The following GOLPH3L variants were observed in gnomAD, a reference collection of about 807,000 sequenced individuals.
GOLPH3L encodes the protein Golgi phosphoprotein 3-like.
GOLPH3L carries 22 observed loss-of-function variants against 30.3 expected under a neutral mutation model. The ratio of observed to expected loss-of-function variants is 0.73; its 90% CI spans 0.52 to 1.04. The LOEUF is 1.04. GOLPH3L is among the 50% of genes least tolerant of loss of function. The pLI, the probability that GOLPH3L is intolerant of heterozygous loss-of-function variation, is 0.00. For missense variants in GOLPH3L, 303 were observed against 345.8 expected (o/e 0.88, Z 0.98); for synonymous variants, 120 against 128.2 (o/e 0.94, Z 0.43).
At chr1:150,658,838 C>T (rs781253832) in intron 4 of GOLPH3L, among the ~76,000 whole-genome samples, 4 of 152,160 alleles carry the variant, frequency 2.6e-5, no homozygotes, top group Non-Finnish European at 5.9e-5. Flanking sequence ...AGGAGCTAAA[C>T]ATAAGGATTT....
At chr1:150,672,512 C>T (rs965978042) in intron 2 of GOLPH3L, among the ~76,000 whole-genome samples, 2 of 152,190 alleles carry the variant, frequency 1.3e-5, no homozygotes, top group Admixed American at 6.5e-5. Context: ...CTCACTGCAA[C>T]CTCTGCCTCC....
chr1:150,687,683 T>C (rs1425592296), intron 2 of GOLPH3L, among the ~76,000 whole-genome samples: 2 of 152,192 alleles, frequency 1.3e-5, no homozygotes, highest in African/African-American at 2.4e-5. Flanking sequence ...CTATACTTGA[T>C]GGAGGATCAT....
chr1:150,674,870 C>T (rs146995307), intron 2 of GOLPH3L, among the ~76,000 whole-genome samples: 6,874 of 151,532 alleles, frequency 0.045, 207 homozygotes, highest in Non-Finnish European at 0.071. Flanking sequence ...CTAGCCTGGG[C>T]AAGAGAGTGA....
chr1:150,648,562 C>CTA lies in GOLPH3L; in HGVS notation c.615_616dup (p.Ser206IlefsTer4). 6.2e-7 allele frequency: 1 copy of CTA among 1,614,014 alleles called. No individual in the cohort carries two copies. The highest frequency in any genetic ancestry group is 8.5e-7 in the Non-Finnish European group (1 of 1,179,898). The stretch of plus-strand genomic sequence containing the variant: ...GTCATTTACCCACCGCTCTAGTACA[C>CTA]TATCTTGAAGTTTTTTCACTAGTCG... On this transcript the variant is annotated frameshift_variant, in exon 5 of 5. Transcript: ENST00000271732. LOFTEE classifies it high-confidence loss of function.
chr1:150,666,929 T>C (rs1199746318), intron 2 of GOLPH3L, among the ~76,000 whole-genome samples: 1 of 152,162 alleles, frequency 6.6e-6, no homozygotes, highest in Non-Finnish European at 1.5e-5. Context: ...TGATCTTTGA[T>C]TAAGAGGTTC....
At position 150,673,763 on chromosome 1, in the gene GOLPH3L, T is replaced by C. The variant is rs942063446; in HGVS notation, c.184-10000A>G. On this transcript the variant is annotated intron_variant, in intron 2 of 4. Transcript: ENST00000271732. Reference sequence around the variant, plus strand: ...GGGCAACACAGTGAAACCCCGTCTCTACCAAAAGTACAAAAAAAAAACTGG... The same window carrying C: ...GGGCAACACAGTGAAACCCCGTCTCCACCAAAAGTACAAAAAAAAAACTGG... Among the ~76,000 whole-genome samples, 4 of 130,440 alleles carry C rather than the reference T, an allele frequency of 3.1e-5. No individual in the cohort carries two copies. The South Asian group carries it at 8.8e-4, about 29-fold the overall frequency. 85.6% of individuals were successfully genotyped at this position (130,440 alleles called of 152,430 possible).
Position 150,686,340 on chromosome 1 carries a change from G to A in GOLPH3L, c.183+8316C>T, listed in dbSNP as rs587603812. On this transcript the variant is annotated intron_variant, in intron 2 of 4. Transcript: ENST00000271732. ...AGTGATCCTCTCACCTCAACCTCCT[G>A]AGTAGCTGGGACTATAGGTTCACGC... Among the ~76,000 whole-genome samples the A allele has an allele frequency of 1.4e-4, 21 of 152,174 alleles. No homozygotes were observed. In the East Asian group the frequency reaches 3.9e-3, roughly 28 times the overall value.
chr1:150,663,824 G>A (rs1418103354), intron 2 of GOLPH3L, 61 bp from the exon 3 acceptor site: 6 of 1,485,766 alleles, frequency 4.0e-6, no homozygotes, highest in Non-Finnish European at 5.6e-6. Flanking sequence ...CTTCCAGCAG[G>A]CACCCTAAGA....
Position 150,647,495 on chromosome 1 carries a change from G to T in GOLPH3L, c.*826C>A, listed in dbSNP as rs55938461. On this transcript the variant is annotated 3_prime_UTR_variant, in exon 5 of 5. Transcript: ENST00000271732. ...GCAAGAGCAAGACCCTGTCTCAAAA[G>T]AAAAAAAAAAAAAAAGTGGCCTGGG... 2 of 102,570 alleles carry T rather than the reference G, an allele frequency of 1.9e-5. No individual in the cohort carries two copies. Among genetic ancestry groups the T allele is most frequent in the Non-Finnish European group, 2.1e-5 (1 of 46,984 alleles). The allele number at this position is 102,570 out of a possible 1,614,324, so 6.4% of individuals were successfully genotyped here.
chr1:150,648,598 G>T lies in GOLPH3L; in HGVS notation c.581C>A (p.Thr194Lys), dbSNP rs898970358. 1 of 1,614,018 alleles carries T rather than the reference G, an allele frequency of 6.2e-7. No individual in the cohort carries two copies. The highest frequency in any genetic ancestry group is 8.5e-7 in the Non-Finnish European group (1 of 1,179,952). The change falls in exon 5 of 5, where the codon ACA becomes AAA. Residue 194 changes from threonine to lysine, a missense_variant. Physicochemically the swap from Thr to Lys is moderately conservative, Grantham distance 78. Transcript: ENST00000271732. ...DMTTHPVTNT[T>K]EKQRLVKKLQ... ...TTTTTTCACTAGTCGCTGTTTCTCT[G>T]TTGTATTGGTCACTGGATGAGTAGT...
chr1:150,658,017 G>C (rs1022932965), intron 4 of GOLPH3L, among the ~76,000 whole-genome samples: 2 of 152,186 alleles, frequency 1.3e-5, no homozygotes, highest in Non-Finnish European at 2.9e-5. Context: ...AATAACTTGG[G>C]GTAGAGGTTA....
intron 2 of GOLPH3L, among the ~76,000 whole-genome samples, chr1:150,665,165 G>C (rs1347539709): frequency 6.6e-6 from 1 of 151,906 alleles, no homozygotes; most frequent in African/African-American, 2.4e-5. Flanking sequence ...ACCCTATAAA[G>C]GAAGTACTAC....
At chr1:150,680,081 G>A (rs1278827507) in intron 2 of GOLPH3L, among the ~76,000 whole-genome samples, 1 of 152,188 alleles carries the variant, frequency 6.6e-6, no homozygotes, top group Admixed American at 6.5e-5. Flanking sequence ...ATCCAGAGAA[G>A]TAGGGAGTTT....
intron 4 of GOLPH3L, among the ~76,000 whole-genome samples, chr1:150,653,418 C>A (rs973895531): frequency 2.0e-5 from 3 of 148,480 alleles, no homozygotes; most frequent in Non-Finnish European, 3.0e-5. Flanking sequence ...GCCTCAGCCT[C>A]CTATGTTAGA....
chr1:150,694,268 C>G (rs587656048), intron 2 of GOLPH3L: 39 of 311,942 alleles, frequency 1.3e-4, no homozygotes, highest in African/African-American at 8.1e-4. Flanking sequence ...CACACATGTT[C>G]CTTGTCTTTT....
chr1:150,691,538 A>C (rs955095707), intron 2 of GOLPH3L, among the ~76,000 whole-genome samples: 1 of 151,850 alleles, frequency 6.6e-6, no homozygotes, highest in Non-Finnish European at 1.5e-5. Context: ...AAAAACAAAA[A>C]CAAAACTATG....
intron 2 of GOLPH3L, among the ~76,000 whole-genome samples, chr1:150,675,082 GT>G: frequency 6.6e-6 from 1 of 152,104 alleles, no homozygotes; most frequent in East Asian, 1.9e-4. Flanking sequence ...GTCTGGCTAT[GT>G]TGCCCAGGCT....
chr1:150,677,719 G>C (rs759237060), intron 2 of GOLPH3L, among the ~76,000 whole-genome samples: 1 of 149,370 alleles, frequency 6.7e-6, no homozygotes, highest in Non-Finnish European at 1.5e-5. Context: ...TCTACTTCTC[G>C]AGCTCAAGCA....
At chr1:150,670,926 C>CT (rs1479555646) in intron 2 of GOLPH3L, among the ~76,000 whole-genome samples, 1 of 151,940 alleles carries the variant, frequency 6.6e-6, no homozygotes, top group Admixed American at 6.6e-5. Context: ...ATTTAGGTTG[C>CT]TTACAGTATT....
Sources: allele counts gnomAD v4.1 joint callset (sites outside exome capture counted in the v4.1 genomes callset), GRCh38; gene constraint gnomAD v4.1.1; transcripts MANE v1.5; gene names NCBI Gene and HGNC (gene_info 2026-07-23, HGNC 2026-07-21).